ITGA8: variants seen among roughly 807,000 people sequenced by gnomAD.
The protein encoded by ITGA8 is integrin subunit alpha 8, also known as integrin alpha-8.
In ITGA8, 91 loss-of-function variants were observed where a neutral mutation model predicts 142.3. That is an observed-to-expected ratio of 0.64 (90% CI 0.54 to 0.76). The LOEUF (loss-of-function observed/expected upper bound fraction) is 0.76, where lower values mean the gene tolerates loss of function less well. ITGA8 is among the 30% of genes least tolerant of loss of function. The pLI, the probability that ITGA8 is intolerant of heterozygous loss-of-function variation, is 0.00. For synonymous variants in ITGA8, 505 were observed against 485.2 expected, an observed-to-expected ratio of 1.04 and a Z score of -0.54; for missense variants, 1,406 against 1,327.7, an observed-to-expected ratio of 1.06 and a Z score of -0.92.
intron 27 of ITGA8, among the ~76,000 whole-genome samples, chr10:15,533,292 C>T (rs188683905): frequency 6.6e-6 from 1 of 152,232 alleles, no homozygotes; most frequent in Admixed American, 6.5e-5. Context: ...CTACTCCTAC[C>T]CTCCAGAATA....
chr10:15,718,975 C>T, intron 1 of ITGA8, 76 bp from the exon 2 acceptor site: 1 of 1,602,302 alleles, frequency 6.2e-7, no homozygotes, highest in Non-Finnish European at 8.5e-7. Context: ...CTGTAACCTC[C>T]TGCCCGGGGA....
chr10:15,716,491 T>C (rs1452589453), intron 2 of ITGA8, among the ~76,000 whole-genome samples: 2 of 152,190 alleles, frequency 1.3e-5, no homozygotes, highest in Non-Finnish European at 2.9e-5. Flanking sequence ...CAACTTGTTC[T>C]AGTTTGTCCC....
intron 2 of ITGA8, among the ~76,000 whole-genome samples, chr10:15,703,404 A>G (rs1458093797): frequency 1.3e-5 from 2 of 152,224 alleles, no homozygotes; most frequent in African/African-American, 4.8e-5. Flanking sequence ...ACTATCATTC[A>G]GAATGTTTTT....
At chr10:15,626,847 G>A (rs202011671) in intron 13 of ITGA8, among the ~76,000 whole-genome samples, 2 of 152,250 alleles carry the variant, frequency 1.3e-5, no homozygotes, top group Non-Finnish European at 2.9e-5. Context: ...CCCTGCTGAC[G>A]CCTTGATCTT....
At chr10:15,551,745 G>T (rs1229761292) in intron 26 of ITGA8, among the ~76,000 whole-genome samples, 1 of 152,164 alleles carries the variant, frequency 6.6e-6, no homozygotes, top group Non-Finnish European at 1.5e-5. Flanking sequence ...AACAAAAAAC[G>T]TAGGAGGTCT....
intron 25 of ITGA8, among the ~76,000 whole-genome samples, chr10:15,562,428 G>A (rs535161597): frequency 1.1e-4 from 17 of 152,276 alleles, no homozygotes; most frequent in East Asian, 5.8e-4. Flanking sequence ...CAGGGGCTTG[G>A]AAGGATATTA....
At chr10:15,626,655 T>G (rs1833588248) in intron 13 of ITGA8, among the ~76,000 whole-genome samples, 1 of 152,012 alleles carries the variant, frequency 6.6e-6, no homozygotes, top group African/African-American at 2.4e-5. Context: ...TTCAGTAGGG[T>G]CTTTAAAGAG....
chr10:15,705,255 C>T (rs1177425098), intron 2 of ITGA8, among the ~76,000 whole-genome samples: 1 of 152,318 alleles, frequency 6.6e-6, no homozygotes, highest in East Asian at 1.9e-4. Flanking sequence ...TGCCATTCTG[C>T]CACTACTCTG....
intron 25 of ITGA8, among the ~76,000 whole-genome samples, chr10:15,561,559 G>A (rs926244191): frequency 1.8e-4 from 27 of 152,216 alleles, no homozygotes; most frequent in African/African-American, 6.3e-4. Context: ...TCAAATTACT[G>A]CACTTACTGT....
rs2131734303 is a variant in ITGA8 at position 15,707,969 on chromosome 10, C to CACACAT, written c.343+10796_343+10797insATGTGT. ...ATAAATGTGCACACACCGACACACA[C>CACACAT]ACACACACACACACACACACACACA... On this transcript the variant is annotated intron_variant, in intron 2 of 29. Transcript: ENST00000378076. 2.7e-5 allele frequency among the ~76,000 whole-genome samples: 4 copies of CACACAT among 150,602 alleles called. No homozygotes were observed. The East Asian group carries it at 7.9e-4, about 30-fold the overall frequency.
chr10:15,717,877 A>G (rs1176470457), intron 2 of ITGA8, among the ~76,000 whole-genome samples: 2 of 152,256 alleles, frequency 1.3e-5, no homozygotes, highest in Admixed American at 6.5e-5. Flanking sequence ...TAATCAAACA[A>G]TTAAAAATCA....
intron 27 of ITGA8, among the ~76,000 whole-genome samples, chr10:15,541,435 G>C (rs1833567379): frequency 6.6e-6 from 1 of 152,138 alleles, no homozygotes; most frequent in Admixed American, 6.5e-5. Flanking sequence ...TGTTCACTTT[G>C]TTCAAAGGTA....
chr10:15,554,829 G>A (rs1588641303), intron 26 of ITGA8, among the ~76,000 whole-genome samples: 1 of 151,816 alleles, frequency 6.6e-6, no homozygotes, highest in East Asian at 1.9e-4. Context: ...GAGGCCTCAG[G>A]AAACTTACAA....
intron 13 of ITGA8, among the ~76,000 whole-genome samples, chr10:15,642,839 G>A (rs1195212934): frequency 6.6e-6 from 1 of 152,160 alleles, no homozygotes; most frequent in Non-Finnish European, 1.5e-5. Flanking sequence ...AATTAATGAT[G>A]TATATTTAGG....
chr10:15,676,779 C>T (rs1204626360), intron 6 of ITGA8, among the ~76,000 whole-genome samples: 3 of 152,056 alleles, frequency 2.0e-5, no homozygotes, highest in African/African-American at 4.8e-5. Flanking sequence ...GAGGCTGAGG[C>T]GGGTGGATCA....
At chr10:15,646,205 A>G (rs1303071378) in intron 12 of ITGA8, among the ~76,000 whole-genome samples, 1 of 152,228 alleles carries the variant, frequency 6.6e-6, no homozygotes, top group Non-Finnish European at 1.5e-5. Context: ...CGATTTTTGT[A>G]TTAACTTTGG....
intron 2 of ITGA8, among the ~76,000 whole-genome samples, chr10:15,708,231 A>G (rs1474764228): frequency 5.9e-5 from 9 of 152,192 alleles, no homozygotes; most frequent in Admixed American, 5.9e-4. Context: ...TGACATTTTT[A>G]TAAGTAAAAG....
chr10:15,652,834 C>A (rs9787548), intron 11 of ITGA8, among the ~76,000 whole-genome samples: 87,625 of 152,032 alleles, frequency 0.58, 26,385 homozygotes, highest in South Asian at 0.76. Flanking sequence ...TGTCCTGCCT[C>A]CCCTGGTGCA....
At chr10:15,563,637 A>G (rs1230182111) in intron 25 of ITGA8, among the ~76,000 whole-genome samples, 2 of 152,210 alleles carry the variant, frequency 1.3e-5, no homozygotes, top group Non-Finnish European at 2.9e-5. Context: ...CCAAACAGCC[A>G]GGTGCGGTGG....
Sources: gnomAD v4.1 joint callset for allele counts (sites outside exome capture counted in the v4.1 genomes callset) on GRCh38, gnomAD v4.1.1 for gene constraint, MANE v1.5 for transcripts, NCBI Gene and HGNC (gene_info 2026-07-23, HGNC 2026-07-21) for gene names.